CIMAP2: variants seen among roughly 807,000 people sequenced by gnomAD.
The protein encoded by CIMAP2 is ciliary microtubule associated protein 2, also known as ciliary microtubule-associated protein 2.
the CIMAP2 span, among the ~76,000 whole-genome samples, chr1:54,837,347 A>G: frequency 6.6e-6 from 1 of 152,134 alleles, no homozygotes; most frequent in Admixed American, 6.5e-5. Flanking sequence ...AAGTTGGTGA[A>G]CATCGGGAGA....
chr1:54,811,237 T>C, the CIMAP2 span, among the ~76,000 whole-genome samples: 1 of 152,070 alleles, frequency 6.6e-6, no homozygotes, highest in African/African-American at 2.4e-5. Context: ...CACAGCACAT[T>C]GAGAAAGCCC....
the CIMAP2 span, chr1:54,806,109 G>C: frequency 6.6e-7 from 1 of 1,524,822 alleles, no homozygotes; most frequent in East Asian, 2.5e-5. Flanking sequence ...GCAGCGCGCA[G>C]GCCTGCCATG....
the CIMAP2 span, among the ~76,000 whole-genome samples, chr1:54,824,041 A>G: frequency 6.6e-6 from 1 of 151,542 alleles, no homozygotes; most frequent in Admixed American, 6.6e-5. Flanking sequence ...TTTTTTTTTA[A>G]GACAAGTTCT....
the CIMAP2 span, among the ~76,000 whole-genome samples, chr1:54,831,180 T>G: frequency 6.6e-6 from 1 of 152,198 alleles, no homozygotes; most frequent in African/African-American, 2.4e-5. Context: ...TTTATATAAT[T>G]CTCAAGGAAA....
chr1:54,833,398 G>A, the CIMAP2 span, among the ~76,000 whole-genome samples: 1 of 152,192 alleles, frequency 6.6e-6, no homozygotes, highest in Non-Finnish European at 1.5e-5. Flanking sequence ...TTCTCAACCA[G>A]TGCGCTGCCT....
the CIMAP2 span, chr1:54,813,826 A>C: frequency 1.2e-6 from 2 of 1,603,542 alleles, no homozygotes; most frequent in Admixed American, 1.8e-5. Context: ...AAAAAAGCCC[A>C]GGGAACTGAT....
chr1:54,825,785 G>A, the CIMAP2 span, among the ~76,000 whole-genome samples: 96 of 151,858 alleles, frequency 6.3e-4, 1 homozygote, highest in East Asian at 0.017. Context: ...AGTGGCAATG[G>A]GCCAAACTTC....
the CIMAP2 span, chr1:54,811,765 G>GCCGGGGGGGGGGGCC: frequency 3.8e-6 from 5 of 1,301,314 alleles, no homozygotes; most frequent in South Asian, 1.2e-5. Context: ...GGTTCTGACA[G>GCCGGGGGGGGGGGCC]CCTCCATGCC....
chr1:54,837,352 G>A, the CIMAP2 span, among the ~76,000 whole-genome samples: 807 of 152,172 alleles, frequency 5.3e-3, 12 homozygotes, highest in African/African-American at 0.018. Flanking sequence ...GGTGAACATC[G>A]GGAGAAGATG....
the CIMAP2 span, among the ~76,000 whole-genome samples, chr1:54,833,430 A>C: frequency 2.6e-5 from 4 of 152,148 alleles, no homozygotes; most frequent in African/African-American, 7.2e-5. Flanking sequence ...GGGGGAGTGC[A>C]TGTGTGAGAG....
the CIMAP2 span, chr1:54,841,831 G>C: frequency 1.3e-6 from 2 of 1,556,750 alleles, no homozygotes; most frequent in Non-Finnish European, 1.7e-6. Flanking sequence ...CTAAGGGAAA[G>C]TGCCCTCCAA....
chr1:54,819,013 A>T, the CIMAP2 span, among the ~76,000 whole-genome samples: 4 of 152,104 alleles, frequency 2.6e-5, no homozygotes, highest in Admixed American at 2.0e-4. Context: ...CATACTGAAG[A>T]GGAAAGCACT....
At chr1:54,807,198 C>A in the CIMAP2 span, 1 of 1,188,382 alleles carries the variant, frequency 8.4e-7, no homozygotes, top group Non-Finnish European at 1.2e-6. Context: ...CTACCTTCTT[C>A]CAGCACAGAG....
At chr1:54,829,094 A>G in the CIMAP2 span, among the ~76,000 whole-genome samples, 1 of 152,258 alleles carries the variant, frequency 6.6e-6, no homozygotes, top group Admixed American at 6.5e-5. Flanking sequence ...GGGCAGGGTT[A>G]ACAGATTCTT....
chr1:54,810,194 C>T, the CIMAP2 span, among the ~76,000 whole-genome samples: 6 of 152,334 alleles, frequency 3.9e-5, no homozygotes, highest in African/African-American at 1.4e-4. Flanking sequence ...TCACTGCCAA[C>T]CCACCCCGGT....
the CIMAP2 span, among the ~76,000 whole-genome samples, chr1:54,812,495 G>A: frequency 6.6e-6 from 1 of 152,236 alleles, no homozygotes; most frequent in Admixed American, 6.5e-5. Flanking sequence ...ATGGCCCACA[G>A]TGCCAGGGGA....
At chr1:54,810,422 C>T in the CIMAP2 span, among the ~76,000 whole-genome samples, 1 of 152,232 alleles carries the variant, frequency 6.6e-6, no homozygotes, top group Non-Finnish European at 1.5e-5. Context: ...GCACCTAACA[C>T]ACCATGCAGG....
the CIMAP2 span, among the ~76,000 whole-genome samples, chr1:54,812,999 G>C: frequency 6.6e-6 from 1 of 152,198 alleles, no homozygotes; most frequent in Non-Finnish European, 1.5e-5. Context: ...TGAGGCCTTC[G>C]ACCTGGCTGC....
the CIMAP2 span, chr1:54,811,765 G>GCCGGGCGGGGGGGGGGGCCCCCCCCCC: frequency 7.7e-7 from 1 of 1,301,332 alleles, no homozygotes; most frequent in East Asian, 2.5e-5. Flanking sequence ...GGTTCTGACA[G>GCCGGGCGGGGGGGGGGGCCCCCCCCCC]CCTCCATGCC....
Sources: allele counts gnomAD v4.1 joint callset (sites outside exome capture counted in the v4.1 genomes callset), GRCh38; gene constraint gnomAD v4.1.1; transcripts MANE v1.5; gene names NCBI Gene and HGNC (gene_info 2026-07-23, HGNC 2026-07-21).